Variants in MAML3 observed in about 807,000 individuals in gnomAD.
MAML3 encodes mastermind-like protein 3.
Under a neutral mutation model 101.9 loss-of-function variants are expected in MAML3, and 27 were observed. The observed-to-expected ratio is 0.27, with a 90% CI of 0.20 to 0.37. The LOEUF (loss-of-function observed/expected upper bound fraction) is 0.37. Ranked by LOEUF, MAML3 falls within the 10% of genes least tolerant of loss-of-function variation. MAML3 has a pLI of 1.00. For missense variants in MAML3, 1,316 were observed against 1,444.9 expected (o/e 0.91, Z 1.45); for synonymous variants, 501 against 555.9 (o/e 0.90, Z 1.39).
At chr4:139,946,950 CTCTT>C (rs1232189735) in intron 1 of MAML3, among the ~76,000 whole-genome samples, 2 of 148,638 alleles carry the variant, frequency 1.3e-5, no homozygotes, top group African/African-American at 5.0e-5. Context: ...CTCTCTCTCT[CTCTT>C]TAGAAAAGCA....
At chr4:139,733,836 G>A (rs1217990467) in intron 2 of MAML3, among the ~76,000 whole-genome samples, 1 of 152,098 alleles carries the variant, frequency 6.6e-6, no homozygotes, top group Non-Finnish European at 1.5e-5. Context: ...ACAGGTTTAA[G>A]CCACCATGCC....
chr4:139,920,127 T>C (rs924311781), intron 1 of MAML3, among the ~76,000 whole-genome samples: 3 of 152,268 alleles, frequency 2.0e-5, no homozygotes, highest in Non-Finnish European at 4.4e-5. Context: ...AACAAACTAA[T>C]GACTAATGAC....
At chr4:139,740,380 C>T (rs1026469163) in intron 2 of MAML3, 2 of 152,314 alleles carry the variant, frequency 1.3e-5, no homozygotes, top group African/African-American at 2.4e-5. Flanking sequence ...CAGCCTCTGC[C>T]GGCATGCAAG....
At chr4:139,949,665 A>C (rs1733800176) in intron 1 of MAML3, among the ~76,000 whole-genome samples, 1 of 152,240 alleles carries the variant, frequency 6.6e-6, no homozygotes, top group African/African-American at 2.4e-5. Flanking sequence ...GAAACCTAAA[A>C]ATATCAATGT....
chr4:140,022,022 T>C (rs1017561742), intron 1 of MAML3, among the ~76,000 whole-genome samples: 1 of 152,176 alleles, frequency 6.6e-6, no homozygotes, highest in Non-Finnish European at 1.5e-5. Flanking sequence ...GATGGAGTGC[T>C]AACCTCAACA....
chr4:139,732,344 A>C (rs1007262519), intron 2 of MAML3, among the ~76,000 whole-genome samples: 2 of 152,162 alleles, frequency 1.3e-5, no homozygotes, highest in African/African-American at 2.4e-5. Flanking sequence ...GGTGTGCTGT[A>C]GAACCATGCA....
chr4:139,752,031 T>A (rs1409434640), intron 2 of MAML3, among the ~76,000 whole-genome samples: 1 of 152,206 alleles, frequency 6.6e-6, no homozygotes, highest in Non-Finnish European at 1.5e-5. Context: ...TGCCTAACTC[T>A]GGAATAGCCT....
chr4:140,004,092 G>A (rs1407316214), intron 1 of MAML3, among the ~76,000 whole-genome samples: 1 of 152,336 alleles, frequency 6.6e-6, no homozygotes, highest in East Asian at 1.9e-4. Context: ...CTTTGCACGA[G>A]ACAGAATGTG....
At chr4:139,725,873 A>G (rs1466150410) in intron 3 of MAML3, 38 bp from the exon 4 acceptor site, 7 of 1,538,388 alleles carry the variant, frequency 4.6e-6, no homozygotes, top group Non-Finnish European at 6.3e-6. Context: ...GAGAGGTGAG[A>G]TAGGGAGCAA....
At chr4:139,738,412 G>A (rs757872335) in intron 2 of MAML3, among the ~76,000 whole-genome samples, 13 of 152,256 alleles carry the variant, frequency 8.5e-5, no homozygotes, top group Admixed American at 2.6e-4. Context: ...GCTTGGTGGC[G>A]TGTGCCTGTA....
intron 1 of MAML3, among the ~76,000 whole-genome samples, chr4:140,095,995 G>A (rs1728154559): frequency 1.3e-5 from 2 of 151,740 alleles, no homozygotes; most frequent in African/African-American, 4.8e-5. Flanking sequence ...CACACTGTGG[G>A]CTCCTGTTAC....
At chr4:139,848,737 G>T (rs1342035975) in intron 2 of MAML3, among the ~76,000 whole-genome samples, 4 of 152,142 alleles carry the variant, frequency 2.6e-5, no homozygotes, top group African/African-American at 9.7e-5. Context: ...TTTTGTCTAA[G>T]TTTTAGCTAT....
At chr4:139,792,686 T>A (rs955937149) in intron 2 of MAML3, among the ~76,000 whole-genome samples, 1 of 152,164 alleles carries the variant, frequency 6.6e-6, no homozygotes, top group Non-Finnish European at 1.5e-5. Flanking sequence ...ATTAATACTG[T>A]TAACATTGCA....
At chr4:140,110,115 G>C (rs772228078) in intron 1 of MAML3, among the ~76,000 whole-genome samples, 1 of 152,224 alleles carries the variant, frequency 6.6e-6, no homozygotes, top group Non-Finnish European at 1.5e-5. Context: ...GAATGCACCA[G>C]CCAGCAAGAA....
intron 2 of MAML3, among the ~76,000 whole-genome samples, chr4:139,743,645 C>A (rs1729230659): frequency 6.6e-6 from 1 of 152,146 alleles, no homozygotes; most frequent in South Asian, 2.1e-4. Context: ...TGTCTCAGAT[C>A]CCAAGGATAC....
chr4:139,985,424 T>A (rs560436149), intron 1 of MAML3, among the ~76,000 whole-genome samples: 41 of 152,310 alleles, frequency 2.7e-4, no homozygotes, highest in African/African-American at 9.4e-4. Flanking sequence ...TGTTGGCCAA[T>A]AAGCAGAAGG....
At chr4:139,999,650 T>G (rs9996587) in intron 1 of MAML3, among the ~76,000 whole-genome samples, 76,026 of 152,044 alleles carry the variant, frequency 0.5, 19,475 homozygotes, top group East Asian at 0.64. Context: ...ACAGAGAGGC[T>G]TGGCAGTCTA....
chr4:139,760,017 G>A (rs1258166975), intron 2 of MAML3, among the ~76,000 whole-genome samples: 1 of 152,212 alleles, frequency 6.6e-6, no homozygotes, highest in East Asian at 1.9e-4. Context: ...TCAACAACAC[G>A]GTATTTGGCA....
At chr4:140,024,230 T>G (rs1313268729) in intron 1 of MAML3, among the ~76,000 whole-genome samples, 1 of 150,696 alleles carries the variant, frequency 6.6e-6, no homozygotes, top group Non-Finnish European at 1.5e-5. Flanking sequence ...TTGATTGATT[T>G]TTTTTTTTTT....
Sources: allele counts gnomAD v4.1 joint callset (sites outside exome capture counted in the v4.1 genomes callset), GRCh38; gene constraint gnomAD v4.1.1; transcripts MANE v1.5; gene names NCBI Gene and HGNC (gene_info 2026-07-23, HGNC 2026-07-21).